Variants in PATJ observed in about 807,000 individuals in gnomAD.
PATJ encodes inaD-like protein.
A neutral mutation model predicts 224.9 loss-of-function variants in PATJ; 190 were observed. That is an observed-to-expected ratio of 0.84 (90% CI 0.75 to 0.95). The LOEUF is 0.95. Ranked by LOEUF, PATJ falls within the 40% of genes least tolerant of loss-of-function variation. The pLI is 0.00. For synonymous variants in PATJ, 769 were observed against 820.3 expected, an observed-to-expected ratio of 0.94 and a Z score of 1.07; for missense variants, 2,121 against 2,270.3, an observed-to-expected ratio of 0.93 and a Z score of 1.34.
chr1:62,144,453 T>C (rs553941874), intron 41 of PATJ, among the ~76,000 whole-genome samples: 1 of 152,150 alleles, frequency 6.6e-6, no homozygotes, highest in South Asian at 2.1e-4. Context: ...GAAATTGCAA[T>C]CAAGTCGAGC....
At chr1:61,983,789 GA>G (rs1644582077) in intron 27 of PATJ, among the ~76,000 whole-genome samples, 1 of 152,020 alleles carries the variant, frequency 6.6e-6, no homozygotes, top group South Asian at 2.1e-4. Flanking sequence ...AGGAAATAAG[GA>G]ATCTAAAAAG....
intron 13 of PATJ, among the ~76,000 whole-genome samples, chr1:61,806,212 A>G (rs756189882): frequency 3.3e-5 from 5 of 152,120 alleles, no homozygotes; most frequent in Admixed American, 6.6e-5. Flanking sequence ...TCTCATTCAC[A>G]TTTTCTTACA....
At chr1:61,914,329 G>A (rs1426098203) in intron 25 of PATJ, among the ~76,000 whole-genome samples, 5 of 152,044 alleles carry the variant, frequency 3.3e-5, no homozygotes, top group Admixed American at 6.6e-5. Context: ...GGTGGCAGGC[G>A]CCTATTACCC....
At chr1:62,122,823 CAA>C (rs367957104) in intron 38 of PATJ, among the ~76,000 whole-genome samples, 196 bp from the exon 39 acceptor site, 47 of 127,534 alleles carry the variant, frequency 3.7e-4, no homozygotes, top group Admixed American at 3.2e-4. Flanking sequence ...GACTCTGTGT[CAA>C]AAAAAAAAAA....
intron 31 of PATJ, among the ~76,000 whole-genome samples, chr1:62,052,675 G>T (rs1395241783): frequency 6.6e-6 from 1 of 151,798 alleles, no homozygotes; most frequent in African/African-American, 2.4e-5. Flanking sequence ...CCAGGGGGAG[G>T]CAGAGGTTGC....
chr1:61,990,552 A>T, intron 28 of PATJ, 188 bp downstream of exon 28: 1 of 434,226 alleles, frequency 2.3e-6, no homozygotes, highest in Non-Finnish European at 4.0e-6. Flanking sequence ...TGCTTAAGTA[A>T]AAACTAATCT....
chr1:62,150,620 C>T (rs114359100), intron 42 of PATJ, among the ~76,000 whole-genome samples: 1,320 of 131,358 alleles, frequency 0.01, 17 homozygotes, highest in African/African-American at 0.035. Flanking sequence ...GAGGCTGCAA[C>T]GGGCTGCAGT....
Position 62,128,074 on chromosome 1 carries a change from G to A in PATJ, c.5146G>A (p.Ala1716Thr), listed in dbSNP as rs372520080. 4.0e-5 allele frequency: 64 copies of A among 1,614,040 alleles called. No homozygotes were observed. The highest frequency in any genetic ancestry group is 1.3e-4 in the South Asian group (12 of 91,070). Reference sequence around the variant, plus strand: ...CATGATTCAGGCTAGCGGAGTGGCCGCACGGACACAGAAGCTTAAAGTAAA... The same window carrying A: ...CATGATTCAGGCTAGCGGAGTGGCCACACGGACACAGAAGCTTAAAGTAAA... Reference protein sequence around the residue: ...IAMIQASGVAARTQKLKVGDR... With the variant: ...IAMIQASGVATRTQKLKVGDR... Residue 1716 changes from alanine to threonine, a missense_variant, in exon 40 of 44, where the codon GCA (alanine) becomes ACA (threonine). Physicochemically the swap from Ala to Thr is moderately conservative, Grantham distance 58. Transcript: ENST00000642238.
chr1:61,831,605 A>G (rs1161162504), intron 16 of PATJ, among the ~76,000 whole-genome samples: 3 of 152,332 alleles, frequency 2.0e-5, no homozygotes, highest in East Asian at 3.9e-4. Flanking sequence ...ATCATTAGAG[A>G]AATGCAAATC....
At chr1:61,898,847 C>T (rs1422566938) in intron 22 of PATJ, among the ~76,000 whole-genome samples, 1 of 152,158 alleles carries the variant, frequency 6.6e-6, no homozygotes, top group Admixed American at 6.5e-5. Context: ...AGTGCAGTGG[C>T]ACAAACATGA....
intron 1 of PATJ, among the ~76,000 whole-genome samples, chr1:61,756,727 C>T (rs1050163621): frequency 5.9e-5 from 9 of 151,730 alleles, no homozygotes; most frequent in African/African-American, 1.7e-4. Flanking sequence ...AACAGGCGTG[C>T]GCCACCACGC....
At chr1:61,837,789 TAAAAAAAAAA>T (rs79022630) in intron 17 of PATJ, among the ~76,000 whole-genome samples, 1 of 124,952 alleles carries the variant, frequency 8.0e-6, no homozygotes, top group Non-Finnish European at 1.6e-5. Flanking sequence ...GACTCTGTCT[TAAAAAAAAAA>T]AAAAAAAAGG....
intron 24 of PATJ, 95 bp from the exon 25 acceptor site, chr1:61,908,277 G>A (rs1056270604): frequency 1.3e-6 from 1 of 796,340 alleles, no homozygotes; most frequent in Non-Finnish European, 2.1e-6. Flanking sequence ...GACTCTGGTT[G>A]TTCTTATAAC....
intron 19 of PATJ, among the ~76,000 whole-genome samples, chr1:61,863,183 T>C (rs1664906687): frequency 6.6e-6 from 1 of 151,908 alleles, no homozygotes; most frequent in African/African-American, 2.4e-5. Flanking sequence ...CACAGGCGCA[T>C]GCCACCATGC....
At chr1:62,048,630 G>A (rs998360372) in intron 30 of PATJ, among the ~76,000 whole-genome samples, 6 of 150,304 alleles carry the variant, frequency 4.0e-5, no homozygotes, top group African/African-American at 1.5e-4. Context: ...AAAGTTAACT[G>A]TACCTGGTGT....
chr1:62,156,217 TAAAA>T (rs200811806), intron 43 of PATJ, among the ~76,000 whole-genome samples: 3,709 of 150,262 alleles, frequency 0.025, 68 homozygotes, highest in Non-Finnish European at 0.035. Flanking sequence ...TCTCTAAAAA[TAAAA>T]AAATTTTTTT....
At chr1:61,824,101 A>G (rs1378180121) in intron 15 of PATJ, among the ~76,000 whole-genome samples, 2 of 152,144 alleles carry the variant, frequency 1.3e-5, no homozygotes, top group Non-Finnish European at 2.9e-5. Context: ...GCACGGCCAT[A>G]TCTTTGTGGA....
At chr1:61,871,424 T>TATATATATAC (rs1666427228) in intron 20 of PATJ, among the ~76,000 whole-genome samples, 1 of 59,944 alleles carries the variant, frequency 1.7e-5, no homozygotes, top group African/African-American at 6.2e-5. Flanking sequence ...CATATATATG[T>TATATATATAC]ACATATATAT....
intron 6 of PATJ, among the ~76,000 whole-genome samples, chr1:61,772,866 A>T (rs1283379704): frequency 6.6e-6 from 1 of 152,192 alleles, no homozygotes; most frequent in East Asian, 1.9e-4. Context: ...GGCTTGAATG[A>T]GAAGGCACGT....
Sources: allele counts gnomAD v4.1 joint callset (sites outside exome capture counted in the v4.1 genomes callset), GRCh38; gene constraint gnomAD v4.1.1; transcripts MANE v1.5; gene names NCBI Gene and HGNC (gene_info 2026-07-23, HGNC 2026-07-21).